Variants in NEO1 observed in about 807,000 individuals in gnomAD.
NEO1 encodes neogenin.
A neutral mutation model predicts 159.7 loss-of-function variants in NEO1; 63 were observed. That is an observed-to-expected ratio of 0.39 (90% confidence interval 0.32 to 0.49). The LOEUF (loss-of-function observed/expected upper bound fraction) is 0.49. Ranked by LOEUF, NEO1 falls within the 20% of genes least tolerant of loss-of-function variation. The probability of loss-of-function intolerance (pLI) is 0.85; values close to 1 mark genes in which losing one functional copy is unlikely to be tolerated. For missense variants in NEO1, 1,615 were observed against 1,831.0 expected, an observed-to-expected ratio of 0.88 and a Z score of 2.15; for synonymous variants, 633 against 662.0, an observed-to-expected ratio of 0.96 and a Z score of 0.67.
At chr15:73,203,235 A>G (rs1308232200) in intron 7 of NEO1, among the ~76,000 whole-genome samples, 2 of 152,182 alleles carry the variant, frequency 1.3e-5, no homozygotes, top group Non-Finnish European at 2.9e-5. Flanking sequence ...GATGCAGAAG[A>G]GTTCCAGGTT....
At chr15:73,219,339 C>G (rs2038091468) in intron 7 of NEO1, among the ~76,000 whole-genome samples, 1 of 146,298 alleles carries the variant, frequency 6.8e-6, no homozygotes, top group African/African-American at 2.5e-5. Context: ...AGCTTTACTT[C>G]CCAGTATGTG....
At chr15:73,238,928 A>G (rs2039342624) in intron 8 of NEO1, among the ~76,000 whole-genome samples, 1 of 152,164 alleles carries the variant, frequency 6.6e-6, no homozygotes. Flanking sequence ...GGCTCACTGC[A>G]GCCTCCGCTT....
At chr15:73,072,177 C>G (rs2068569039) in intron 1 of NEO1, among the ~76,000 whole-genome samples, 1 of 152,110 alleles carries the variant, frequency 6.6e-6, no homozygotes. Context: ...TCTTGAACTC[C>G]TGACCTCAGG....
chr15:73,131,833 T>C (rs2031175231), intron 4 of NEO1, among the ~76,000 whole-genome samples: 1 of 152,244 alleles, frequency 6.6e-6, no homozygotes, highest in African/African-American at 2.4e-5. Context: ...TCCTCCTCTA[T>C]TTTCTTACAC....
chr15:73,249,848 T>C (rs1042256464), intron 11 of NEO1, 127 bp downstream of exon 11: 3 of 1,100,730 alleles, frequency 2.7e-6, no homozygotes, highest in South Asian at 1.9e-5. Flanking sequence ...TCTGGTAATA[T>C]GACTTTAGTC....
intron 18 of NEO1, among the ~76,000 whole-genome samples, chr15:73,271,665 G>C (rs956209712): frequency 6.6e-6 from 1 of 152,136 alleles, no homozygotes; most frequent in Non-Finnish European, 1.5e-5. Flanking sequence ...CCAGTGCTTT[G>C]GGAGGCCATG....
intron 7 of NEO1, chr15:73,222,092 T>G (rs2038315951): frequency 2.7e-5 from 1 of 37,582 alleles, no homozygotes; most frequent in African/African-American, 6.4e-5. Flanking sequence ...CTGTTGGTAA[T>G]TTTTTTTTTT....
chr15:73,240,780 A>G (rs1410588902), intron 8 of NEO1, among the ~76,000 whole-genome samples: 1 of 152,222 alleles, frequency 6.6e-6, no homozygotes, highest in Non-Finnish European at 1.5e-5. Context: ...AATATTTAAA[A>G]GGAAGATTTT....
At chr15:73,137,890 T>C (rs1003297249) in intron 5 of NEO1, among the ~76,000 whole-genome samples, 2 of 152,140 alleles carry the variant, frequency 1.3e-5, no homozygotes, top group Non-Finnish European at 2.9e-5. Context: ...TAAAGAAAGA[T>C]AACACATGGA....
chr15:73,278,066 G>C (rs1218271704), intron 21 of NEO1, 65 bp from the exon 22 acceptor site: 6 of 1,414,254 alleles, frequency 4.2e-6, no homozygotes, highest in African/African-American at 2.8e-5. Context: ...ACACTCCCTA[G>C]CTATGAAGTG....
chr15:73,070,319 G>A (rs2068469570), intron 1 of NEO1, among the ~76,000 whole-genome samples: 2 of 152,096 alleles, frequency 1.3e-5, no homozygotes, highest in South Asian at 4.1e-4. Flanking sequence ...CACTTGTTCA[G>A]GTGTTAGAAC....
chr15:73,281,620 C>T (rs1486793870), intron 22 of NEO1, among the ~76,000 whole-genome samples: 6 of 152,280 alleles, frequency 3.9e-5, no homozygotes, highest in Admixed American at 2.6e-4. Flanking sequence ...TCTTCCACAA[C>T]ATCCCACGCT....
rs1315829667 is a variant in NEO1 at position 73,178,502 on chromosome 15, C to G, written c.1291+75C>G. The G allele has an allele frequency of 7.1e-6, 11 of 1,547,676 alleles. No individual in the cohort carries two copies. In the East Asian group the frequency reaches 2.6e-4, roughly 36 times the overall value. Reference sequence around the variant, plus strand: ...CAAGCACCCATCCGTCCAAATAACTCATGATTGATAACCCATTAGTAAAGG... The same window carrying G: ...CAAGCACCCATCCGTCCAAATAACTGATGATTGATAACCCATTAGTAAAGG... On this transcript the variant is annotated intron_variant, in intron 7 of 28. Transcript: ENST00000261908.
chr15:73,177,508 T>A (rs1028236659), intron 6 of NEO1, among the ~76,000 whole-genome samples: 2 of 152,186 alleles, frequency 1.3e-5, no homozygotes, highest in African/African-American at 2.4e-5. Context: ...AACTAGAAAA[T>A]TTTTAAATCA....
intron 1 of NEO1, among the ~76,000 whole-genome samples, chr15:73,113,785 G>A (rs1485257321): frequency 1.3e-5 from 2 of 152,100 alleles, no homozygotes; most frequent in East Asian, 3.9e-4. Context: ...GTAACTAATT[G>A]TGGTTATTTT....
intron 1 of NEO1, among the ~76,000 whole-genome samples, chr15:73,081,592 T>C (rs878894145): frequency 6.6e-6 from 1 of 152,112 alleles, no homozygotes; most frequent in African/African-American, 2.4e-5. Context: ...GTTTTTTTTT[T>C]TCTGAGACAA....
At chr15:73,066,242 G>GTTTCGA (rs1555420541) in intron 1 of NEO1, among the ~76,000 whole-genome samples, 1 of 149,734 alleles carries the variant, frequency 6.7e-6, no homozygotes, top group Non-Finnish European at 1.5e-5. Context: ...AGCCAGGATG[G>GTTTCGA]TCTCCTGACC....
intron 28 of NEO1, 167 bp downstream of exon 28, chr15:73,301,624 G>C: frequency 1.1e-6 from 1 of 907,662 alleles, no homozygotes; most frequent in Non-Finnish European, 1.6e-6. Context: ...TCTCTTCTGA[G>C]CCGGGAACTG....
At position 73,122,423 on chromosome 15, in the gene NEO1, A is replaced by G. The variant is rs1596057206; in HGVS notation, c.449-102A>G. On this transcript the variant is annotated intron_variant, in intron 2 of 28. Coordinates refer to ENST00000261908, the MANE Select transcript of NEO1 (RefSeq NM_002499.4). ...CTTTCTTCTCAACCCTGGTTCTGCC[A>G]TATGTTGTAGCCATGTGAGCTGACT... is the stretch of plus-strand genomic sequence containing the variant. 1.2e-5 allele frequency: 13 copies of G among 1,080,408 alleles called. No homozygotes were observed. In the East Asian group the frequency reaches 3.1e-4, roughly 26 times the overall value. 66.9% of individuals were successfully genotyped at this position (1,080,408 alleles called of 1,614,324 possible).
Sources: gnomAD v4.1 joint callset for allele counts (sites outside exome capture counted in the v4.1 genomes callset) on GRCh38, gnomAD v4.1.1 for gene constraint, MANE v1.5 for transcripts, NCBI Gene and HGNC (gene_info 2026-07-23, HGNC 2026-07-21) for gene names.